Variants in ANKRD50 observed in about 807,000 individuals in gnomAD.
The protein encoded by ANKRD50 is ankyrin repeat domain-containing protein 50.
A neutral mutation model predicts 112.0 loss-of-function variants in ANKRD50; 40 were observed. That is an observed-to-expected ratio of 0.36 (90% CI 0.28 to 0.46). ANKRD50 has a LOEUF of 0.46. ANKRD50 is among the 20% of genes least tolerant of loss of function. ANKRD50 has a pLI of 1.00. For missense variants in ANKRD50, 1,487 were observed against 1,701.7 expected, an observed-to-expected ratio of 0.87 and a Z score of 2.22; for synonymous variants, 613 against 619.1, an observed-to-expected ratio of 0.99 and a Z score of 0.15.
Position 124,664,509 on chromosome 4 carries a change from A to T in ANKRD50, c.*3009T>A, listed in dbSNP as rs1415562687. Reference sequence around the variant, plus strand: ...TCTCTGTAAAGCAAATATATTTATTATGCACTTTCATATACACAGGGATTT... The same window carrying T: ...TCTCTGTAAAGCAAATATATTTATTTTGCACTTTCATATACACAGGGATTT... On this transcript the variant is annotated 3_prime_UTR_variant, in exon 5 of 5. Coordinates refer to ENST00000504087, the MANE Select transcript of ANKRD50 (RefSeq NM_020337.3). 6.6e-6 allele frequency: 1 copy of T among 152,426 alleles called. No individual in the cohort carries two copies. Among genetic ancestry groups the T allele is most frequent in the Non-Finnish European group, 1.5e-5 (1 of 67,894 alleles). 9.4% of individuals were successfully genotyped at this position (152,426 alleles called of 1,614,324 possible). A position where few individuals can be genotyped will look rare whatever the true frequency, so the allele number is the denominator to read the frequency against.
rs1235786123 is a variant in ANKRD50, at chr4:124,670,294, C to A, written c.2983G>T (p.Val995Leu). 1 of 1,613,942 alleles carries A rather than the reference C, an allele frequency of 6.2e-7. No homozygotes were observed. The highest frequency in any genetic ancestry group is 8.5e-7 in the Non-Finnish European group (1 of 1,179,902). ...GCATGGTATGCTATCAGGACCTGCA[C>A]CATTTCCATATGGCCTTGCCAACAA... ...VSCWQGHMEM[V>L]QVLIAYHADV... The change falls in exon 4 of 5, where the codon GTG becomes TTG. Residue 995 changes from valine to leucine, a missense_variant. Transcript: ENST00000504087.
chr4:124,676,096 C>T (rs751682552), intron 3 of ANKRD50, among the ~76,000 whole-genome samples: 5 of 151,564 alleles, frequency 3.3e-5, no homozygotes, highest in African/African-American at 1.2e-4. Flanking sequence ...CAACTTAAAA[C>T]GTAAGCAAAG....
At position 124,694,837 on chromosome 4, in the gene ANKRD50, A is replaced by G. The variant is rs567943724; in HGVS notation, c.512+15163T>C. 3.3e-5 allele frequency among the ~76,000 whole-genome samples: 5 copies of G among 152,332 alleles called. No individual in the cohort carries two copies. In the South Asian group the frequency reaches 1.0e-3, roughly 32 times the overall value. On this transcript the variant is annotated intron_variant, in intron 2 of 4. Transcript: ENST00000504087. Reference sequence around the variant, plus strand: ...GGTGGAGGCAATCAATAACAATTAGAGCAGGAAGAACAAAGATGTAGAAAT... The same window carrying G: ...GGTGGAGGCAATCAATAACAATTAGGGCAGGAAGAACAAAGATGTAGAAAT...
chr4:124,683,098 T>C (rs865884118), intron 2 of ANKRD50, among the ~76,000 whole-genome samples: 1 of 151,862 alleles, frequency 6.6e-6, no homozygotes, highest in Admixed American at 6.6e-5. Flanking sequence ...TGTATATATA[T>C]ACCCATATAT....
chr4:124,698,730 G>C (rs1390146489), intron 2 of ANKRD50, among the ~76,000 whole-genome samples: 1 of 152,166 alleles, frequency 6.6e-6, no homozygotes, highest in Non-Finnish European at 1.5e-5. Context: ...TATTGTAAGA[G>C]ACTGAATGCA....
chr4:124,675,469 T>A (rs1337615326), intron 3 of ANKRD50, among the ~76,000 whole-genome samples: 1 of 151,740 alleles, frequency 6.6e-6, no homozygotes, highest in East Asian at 1.9e-4. Flanking sequence ...AAAATAGTCA[T>A]TAAAAAGACA....
At chr4:124,708,231 CTACAT>C (rs1325631679) in intron 2 of ANKRD50, among the ~76,000 whole-genome samples, 3 of 151,730 alleles carry the variant, frequency 2.0e-5, no homozygotes, top group African/African-American at 7.3e-5. Flanking sequence ...ATATTAAAGA[CTACAT>C]TATTTATTCT....
At chr4:124,690,265 A>C (rs140459571) in intron 2 of ANKRD50, among the ~76,000 whole-genome samples, 1 of 152,328 alleles carries the variant, frequency 6.6e-6, no homozygotes, top group Non-Finnish European at 1.5e-5. Context: ...TGACTTCTGC[A>C]AGACTAGAGA....
At position 124,669,626 on chromosome 4, in the gene ANKRD50, T is replaced by C; in HGVS notation, c.3651A>G (p.Gln1217=). Residue 1217 remains glutamine, a synonymous_variant, in exon 4 of 5, where the codon CAA becomes CAG. Transcript: ENST00000504087. ...TGCGTGGCAATGAATGCTGCTGAAT[T>C]TGTTCTGTAAATGACAAGTTATGAA... is the stretch of plus-strand genomic sequence containing the variant. ...DSFHNLSFTE[Q]IQQHSLPRSR... The C allele has an allele frequency of 6.2e-7, 1 of 1,613,610 alleles. No homozygotes were observed. Among genetic ancestry groups the C allele is most frequent in the South Asian group, 1.1e-5 (1 of 90,956 alleles).
In ANKRD50 at chr4:124,712,683, C is replaced by CCAG. The variant is rs960472768; in HGVS notation, c.-992_-990dup. 6.3e-6 allele frequency: 1 copy of CCAG among 157,816 alleles called. No individual in the cohort carries two copies. The highest frequency in any genetic ancestry group is 2.4e-5 in the African/African-American group (1 of 41,194). The allele number at this position is 157,816 out of a possible 1,614,324, so 9.8% of individuals were successfully genotyped here. On this transcript the variant is annotated 5_prime_UTR_variant, in exon 1 of 5. Coordinates refer to ENST00000504087, the MANE Select transcript of ANKRD50 (RefSeq NM_020337.3). ...CCCAGCAGAATCGGTCGTGCTCGCCCCAGCCCCCACCGGCCAACCGCCGCC... is the reference window on the plus strand; with the variant it reads ...CCCAGCAGAATCGGTCGTGCTCGCCCCAGCAGCCCCCACCGGCCAACCGCCGCC...
intron 2 of ANKRD50, among the ~76,000 whole-genome samples, chr4:124,708,631 CT>C (rs1725557501): frequency 6.6e-6 from 1 of 151,646 alleles, no homozygotes; most frequent in Non-Finnish European, 1.5e-5. Context: ...CATACATAAC[CT>C]TCTAAACCCC....
chr4:124,695,211 G>C (rs1326254186), intron 2 of ANKRD50, among the ~76,000 whole-genome samples: 1 of 152,104 alleles, frequency 6.6e-6, no homozygotes, highest in Non-Finnish European at 1.5e-5. Flanking sequence ...TTCAAGATAT[G>C]AGAGGGCTTG....
At chr4:124,697,738 TA>T (rs1297542787) in intron 2 of ANKRD50, among the ~76,000 whole-genome samples, 1 of 151,690 alleles carries the variant, frequency 6.6e-6, no homozygotes, top group African/African-American at 2.4e-5. Flanking sequence ...GAACACTAAA[TA>T]GACTAATACG....
chr4:124,671,035 C>T lies in ANKRD50; in HGVS notation c.2242G>A (p.Gly748Ser), dbSNP rs1276369930. ...GAEVDHCDKD[G>S]MTPLLVAAYE... ...GCAGCTACCAGCAGTGGAGTCATGC[C>T]ATCTTTATCACAATGATCTACTTCA... The change falls in exon 4 of 5, where the codon GGC (glycine) becomes AGC (serine). Residue 748 changes from glycine (G) to serine (S), a missense_variant. By Grantham distance (56) the Gly-to-Ser change is moderately conservative (BLOSUM62 0). Around this residue, in one of 2 missense-constraint regions of ANKRD50, gnomAD observed 1,046 missense variants for 1,269.5 expected, o/e 0.82. Transcript: ENST00000504087. 10 of 1,613,748 alleles carry T rather than the reference C, an allele frequency of 6.2e-6. No homozygotes were observed. The highest frequency in any genetic ancestry group is 1.1e-5 in the South Asian group (1 of 91,082).
chr4:124,692,575 G>A (rs1725161719), intron 2 of ANKRD50, among the ~76,000 whole-genome samples: 1 of 152,108 alleles, frequency 6.6e-6, no homozygotes, highest in Admixed American at 6.5e-5. Context: ...TGGTATAAGA[G>A]GCAGGGCCTG....
chr4:124,707,108 A>G (rs889955893), intron 2 of ANKRD50, among the ~76,000 whole-genome samples: 1 of 152,054 alleles, frequency 6.6e-6, no homozygotes, highest in African/African-American at 2.4e-5. Context: ...CTGGTTTTGG[A>G]TTTAGTTTTT....
At chr4:124,682,730 T>C (rs979094860) in intron 2 of ANKRD50, among the ~76,000 whole-genome samples, 10 of 141,968 alleles carry the variant, frequency 7.0e-5, no homozygotes, top group East Asian at 6.3e-4. Flanking sequence ...GCATGGTACA[T>C]GTTTTTTAAT....
chr4:124,672,291 G>A lies in ANKRD50; in HGVS notation c.986C>T (p.Thr329Ile). 1 of 1,613,576 alleles carries A rather than the reference G, an allele frequency of 6.2e-7. No individual in the cohort carries two copies. The highest frequency in any genetic ancestry group is 8.5e-7 in the Non-Finnish European group (1 of 1,179,780). Residue 329 changes from threonine to isoleucine, a missense_variant, in exon 4 of 5, where the codon ACT (threonine) becomes ATT (isoleucine). Coordinates refer to ENST00000504087, the MANE Select transcript of ANKRD50 (RefSeq NM_020337.3). ...MLREIRDIPG[T>I]LNGLYLWLCQ... Reference sequence around the variant, plus strand: ...CAGCCAGAGATATAAACCATTTAGAGTTCCTGGGATGTCACGAATTTCTCT... The same window carrying A: ...CAGCCAGAGATATAAACCATTTAGAATTCCTGGGATGTCACGAATTTCTCT...
intron 2 of ANKRD50, among the ~76,000 whole-genome samples, chr4:124,695,686 G>A (rs886370396): frequency 1.3e-5 from 2 of 152,146 alleles, no homozygotes; most frequent in African/African-American, 4.8e-5. Flanking sequence ...AAGCTAAAGA[G>A]CTAAACATAA....
Sources: gnomAD v4.1 joint callset for allele counts (sites outside exome capture counted in the v4.1 genomes callset) on GRCh38, gnomAD v4.1.1 for gene constraint, gnomAD v4.1.1 regional missense constraint, MANE v1.5 for transcripts, NCBI Gene and HGNC (gene_info 2026-07-23, HGNC 2026-07-21) for gene names.